FSTL4: variants seen among roughly 807,000 people sequenced by gnomAD.
FSTL4 encodes follistatin-related protein 4.
Under a neutral mutation model 78.2 loss-of-function variants are expected in FSTL4, and 28 were observed. The observed-to-expected ratio is 0.36, with a 90% CI of 0.27 to 0.49. FSTL4 has a LOEUF of 0.49. FSTL4 is among the 20% of genes least tolerant of loss of function. The pLI is 0.98. For missense variants in FSTL4, 922 were observed against 1,084.9 expected, an observed-to-expected ratio of 0.85 and a Z score of 2.11; for synonymous variants, 422 against 440.5, an observed-to-expected ratio of 0.96 and a Z score of 0.53.
At chr5:133,378,348 C>T (rs1755490678) in intron 4 of FSTL4, among the ~76,000 whole-genome samples, 1 of 152,070 alleles carries the variant, frequency 6.6e-6, no homozygotes, top group African/African-American at 2.4e-5. Flanking sequence ...AGAAATATAA[C>T]ATACTTGAAA....
Position 133,288,947 on chromosome 5 carries a change from C to T in FSTL4, c.727+23707G>A, listed in dbSNP as rs144922019. Among the ~76,000 whole-genome samples, 205 of 152,342 alleles carry T rather than the reference C, an allele frequency of 1.3e-3. 2 individuals are homozygous for T. The highest frequency in any genetic ancestry group is 4.8e-3 in the African/African-American group (201 of 41,568). ...GGTCTGTCAGAGGCTGCTCTCCATACCCTAGAGGTGGTGCTGTGCCATCCT... is the reference window on the plus strand; with the variant it reads ...GGTCTGTCAGAGGCTGCTCTCCATATCCTAGAGGTGGTGCTGTGCCATCCT... On this transcript the variant is annotated intron_variant, in intron 6 of 15. Coordinates refer to ENST00000265342, the MANE Select transcript of FSTL4 (RefSeq NM_015082.2).
the FSTL4 span, among the ~76,000 whole-genome samples, chr5:133,804,392 A>G: frequency 6.6e-6 from 1 of 152,204 alleles, no homozygotes; most frequent in Non-Finnish European, 1.5e-5. Context: ...ATGACTGTAC[A>G]GTCACTGAAA....
chr5:133,675,422 TG>T, the FSTL4 span, among the ~76,000 whole-genome samples: 1 of 152,206 alleles, frequency 6.6e-6, no homozygotes, highest in East Asian at 1.9e-4. Context: ...TGGCCTAGTG[TG>T]GTGGCCAGAA....
intron 7 of FSTL4, among the ~76,000 whole-genome samples, 195 bp downstream of exon 7, chr5:133,249,215 C>T (rs924169959): frequency 2.6e-5 from 4 of 152,212 alleles, no homozygotes; most frequent in Non-Finnish European, 5.9e-5. Context: ...CATAGCATGG[C>T]CACCATTCAT....
chr5:133,749,246 G>A, the FSTL4 span, among the ~76,000 whole-genome samples: 3 of 152,180 alleles, frequency 2.0e-5, no homozygotes, highest in Admixed American at 6.5e-5. Context: ...TAGCAAATGA[G>A]AAGCCAAAGT....
chr5:133,450,866 A>G (rs998042182), intron 3 of FSTL4, among the ~76,000 whole-genome samples: 4 of 152,116 alleles, frequency 2.6e-5, no homozygotes, highest in Non-Finnish European at 4.4e-5. Flanking sequence ...AATGGGGGAG[A>G]GCCAGGTGAT....
intron 4 of FSTL4, among the ~76,000 whole-genome samples, chr5:133,358,110 C>T (rs1308241103): frequency 1.3e-5 from 2 of 152,206 alleles, no homozygotes; most frequent in Non-Finnish European, 2.9e-5. Context: ...TGACTCATTT[C>T]AGCGCAGCAT....
intron 6 of FSTL4, among the ~76,000 whole-genome samples, chr5:133,299,630 G>A (rs532414578): frequency 1.3e-4 from 20 of 152,244 alleles, no homozygotes; most frequent in African/African-American, 4.6e-4. Context: ...GCATCCAGAG[G>A]GGAAGCCCAC....
intron 6 of FSTL4, among the ~76,000 whole-genome samples, chr5:133,300,057 C>T (rs540298493): frequency 1.2e-4 from 19 of 152,286 alleles, no homozygotes; most frequent in Non-Finnish European, 1.9e-4. Context: ...CTTAGCTTTA[C>T]CAGGAAGCTC....
intron 8 of FSTL4, among the ~76,000 whole-genome samples, chr5:133,228,963 A>G (rs1235183873): frequency 2.0e-5 from 3 of 152,238 alleles, no homozygotes; most frequent in African/African-American, 7.2e-5. Context: ...ATATCCAGGT[A>G]ATGCACCAAT....
chr5:133,740,543 G>A, the FSTL4 span, among the ~76,000 whole-genome samples: 4 of 152,258 alleles, frequency 2.6e-5, no homozygotes, highest in Admixed American at 1.3e-4. Flanking sequence ...TCCATTCCAC[G>A]TGGTGCCATC....
the FSTL4 span, among the ~76,000 whole-genome samples, chr5:133,681,191 C>T: frequency 7.2e-5 from 11 of 152,364 alleles, no homozygotes; most frequent in South Asian, 1.9e-3. Flanking sequence ...TTTCCAGATC[C>T]TCAGTTGTCC....
chr5:133,439,276 C>A (rs556329293), intron 3 of FSTL4, among the ~76,000 whole-genome samples: 16 of 152,288 alleles, frequency 1.1e-4, no homozygotes, highest in African/African-American at 3.8e-4. Context: ...ACCTTTGAAT[C>A]TATTATTTAT....
chr5:133,423,185 A>G (rs1293917842), intron 3 of FSTL4, among the ~76,000 whole-genome samples: 2 of 152,256 alleles, frequency 1.3e-5, no homozygotes, highest in African/African-American at 4.8e-5. Flanking sequence ...GCACGAATGA[A>G]TGGGCGGCTT....
At chr5:133,443,460 T>G (rs992180082) in intron 3 of FSTL4, among the ~76,000 whole-genome samples, 5 of 152,260 alleles carry the variant, frequency 3.3e-5, no homozygotes, top group Non-Finnish European at 7.3e-5. Context: ...CTAGGACATC[T>G]GTTTCTTAAA....
At chr5:133,489,651 T>G (rs1279299511) in intron 3 of FSTL4, among the ~76,000 whole-genome samples, 1 of 152,154 alleles carries the variant, frequency 6.6e-6, no homozygotes, top group Non-Finnish European at 1.5e-5. Flanking sequence ...TTTTAGCACA[T>G]AGACAGCACA....
chr5:133,251,971 G>T (rs1752260058), intron 6 of FSTL4, among the ~76,000 whole-genome samples: 1 of 152,172 alleles, frequency 6.6e-6, no homozygotes, highest in Admixed American at 6.5e-5. Context: ...AGTGACCTCA[G>T]ACAGGGCAAC....
the FSTL4 span, among the ~76,000 whole-genome samples, chr5:133,710,514 C>T: frequency 6.6e-6 from 1 of 152,206 alleles, no homozygotes; most frequent in South Asian, 2.1e-4. Context: ...CAGATGCATG[C>T]ACCCATCAGA....
At chr5:133,228,160 G>A (rs1751390331) in intron 8 of FSTL4, among the ~76,000 whole-genome samples, 1 of 152,192 alleles carries the variant, frequency 6.6e-6, no homozygotes, top group Admixed American at 6.5e-5. Flanking sequence ...CCGGAAGGTT[G>A]AGGCTGTAGT....
Sources: allele counts gnomAD v4.1 joint callset (sites outside exome capture counted in the v4.1 genomes callset), GRCh38; gene constraint gnomAD v4.1.1; transcripts MANE v1.5; gene names NCBI Gene and HGNC (gene_info 2026-07-23, HGNC 2026-07-21).